Variants in SLC26A4 observed in about 807,000 individuals in gnomAD.
SLC26A4 encodes solute carrier family 26 member 4.
Under a neutral mutation model 90.4 loss-of-function variants are expected in SLC26A4, and 93 were observed. That is an observed-to-expected ratio of 1.03 (90% CI 0.87 to 1.22). The LOEUF (loss-of-function observed/expected upper bound fraction) is 1.22. SLC26A4 is among the 50% of genes most tolerant of loss of function. SLC26A4 has a pLI of 0.00. For synonymous variants in SLC26A4, 393 were observed against 354.6 expected, an observed-to-expected ratio of 1.11 and a Z score of -1.22; for missense variants, 1,127 against 946.2, an observed-to-expected ratio of 1.19 and a Z score of -2.51.
Position 107,661,924 on chromosome 7 carries a change from G to C in SLC26A4, c.164+119G>C. ...CGGGCGGCGGAGCCCCTGGGCGCCAGCTGCTTCTCCCAGAGGCCCGACTTT... is the reference window on the plus strand; with the variant it reads ...CGGGCGGCGGAGCCCCTGGGCGCCACCTGCTTCTCCCAGAGGCCCGACTTT... On this transcript the variant is annotated intron_variant, in intron 2 of 20. Coordinates refer to ENST00000644269, the MANE Select transcript of SLC26A4 (RefSeq NM_000441.2). This position sits in a 1 kb window ranked among gnomAD's most constrained non-coding sequence, Gnocchi z 5.1. The C allele has an allele frequency of 8.5e-7, 1 of 1,170,450 alleles. No individual in the cohort carries two copies. Among genetic ancestry groups the C allele is most frequent in the South Asian group, 1.6e-5 (1 of 63,340 alleles). The allele number at this position is 1,170,450 out of a possible 1,614,324, so 72.5% of individuals were successfully genotyped here.
At position 107,711,766 on chromosome 7, in the gene SLC26A4, G is replaced by T. The variant is rs191980579; in HGVS notation, c.2236-773G>T. Among the ~76,000 whole-genome samples the T allele has an allele frequency of 5.9e-4, 90 of 152,174 alleles. 1 individual carries two copies. The East Asian group carries it at 0.013, about 22-fold the overall frequency. On this transcript the variant is annotated intron_variant, in intron 19 of 20. Transcript: ENST00000644269. ...CTATCCCTTTATTTTACCATCACAGGACTATCTCAGGACACAACTTGTAGT... is the reference window on the plus strand; with the variant it reads ...CTATCCCTTTATTTTACCATCACAGTACTATCTCAGGACACAACTTGTAGT...
At chr7:107,690,611 T>C (rs1202143760) in intron 10 of SLC26A4, among the ~76,000 whole-genome samples, 5 of 152,188 alleles carry the variant, frequency 3.3e-5, no homozygotes, top group African/African-American at 1.2e-4. Flanking sequence ...GGAGCTATTC[T>C]ATTTTCAGGA....
rs80038939 is a variant in SLC26A4 at position 107,665,705 on chromosome 7, C to T, written c.304+2270C>T. 3.4e-3 allele frequency among the ~76,000 whole-genome samples: 514 copies of T among 152,246 alleles called. 6 individuals carry two copies. The highest frequency in any genetic ancestry group is 0.012 in the African/African-American group (482 of 41,528). On this transcript the variant is annotated intron_variant, in intron 3 of 20. Transcript: ENST00000644269. ...TTGTTTATAAGCATGAGACACTATGCTAAGTAAGAATGTTGCCAGCTATCT... is the reference window on the plus strand; with the variant it reads ...TTGTTTATAAGCATGAGACACTATGTTAAGTAAGAATGTTGCCAGCTATCT...
At chr7:107,689,763 A>T (rs1048785347) in intron 9 of SLC26A4, among the ~76,000 whole-genome samples, 2 of 152,246 alleles carry the variant, frequency 1.3e-5, no homozygotes, top group African/African-American at 4.8e-5. Flanking sequence ...CAAGCAGAAT[A>T]ACAGCACTGC....
chr7:107,675,353 G>A (rs1196373521), intron 6 of SLC26A4, among the ~76,000 whole-genome samples: 3 of 148,620 alleles, frequency 2.0e-5, no homozygotes, highest in Non-Finnish European at 3.0e-5. Flanking sequence ...CCAAAAATCC[G>A]AAAATTTGCT....
At chr7:107,678,228 T>A (rs1019180985) in intron 6 of SLC26A4, among the ~76,000 whole-genome samples, 1 of 152,214 alleles carries the variant, frequency 6.6e-6, no homozygotes, top group Non-Finnish European at 1.5e-5. Context: ...ATTCATTCAG[T>A]TTATCTACTC....
Position 107,690,151 on chromosome 7 carries a change from A to C in SLC26A4, c.1177A>C (p.Ile393Leu). The C allele has an allele frequency of 6.2e-7, 1 of 1,612,492 alleles. No homozygotes were observed. The highest frequency in any genetic ancestry group is 8.5e-7 in the Non-Finnish European group (1 of 1,178,550). The change falls in exon 10 of 21, where the codon ATC becomes CTC. Residue 393 changes from isoleucine (I) to leucine (L), a missense_variant. By Grantham distance (5) the Ile-to-Leu change is conservative. Coordinates refer to ENST00000644269, the MANE Select transcript of SLC26A4 (RefSeq NM_000441.2). ...ATTCATTGCCTTTGGGATCAGCAACATCTTCTCAGGATTCTTCTCTTGTTT... is the reference window on the plus strand; with the variant it reads ...ATTCATTGCCTTTGGGATCAGCAACCTCTTCTCAGGATTCTTCTCTTGTTT... ...QEFIAFGISN[I>L]FSGFFSCFVA...
At chr7:107,690,068 G>A (rs754306535) in intron 9 of SLC26A4, 56 bp from the exon 10 acceptor site, 383 of 988,054 alleles carry the variant, frequency 3.9e-4, no homozygotes, top group Middle Eastern at 6.1e-4. Context: ...AATACTCAGC[G>A]AAGGTCTTGC....
intron 10 of SLC26A4, chr7:107,691,841 G>A: frequency 1.7e-6 from 2 of 1,150,450 alleles, no homozygotes; most frequent in Non-Finnish European, 2.2e-6. Flanking sequence ...ATATCCGGAG[G>A]CATAGCCAGA....
intron 8 of SLC26A4, 53 bp downstream of exon 8, chr7:107,683,590 T>A: frequency 7.1e-7 from 1 of 1,405,462 alleles, no homozygotes; most frequent in South Asian, 1.2e-5. Flanking sequence ...AAGTCAGTCT[T>A]TTTTATTTAA....
intron 8 of SLC26A4, among the ~76,000 whole-genome samples, chr7:107,686,263 CCCTTCCTTCCCTCCCTTCCCTCCCTTT>C (rs1181047071): frequency 2.1e-5 from 3 of 141,574 alleles, no homozygotes; most frequent in Non-Finnish European, 3.1e-5. Flanking sequence ...TTTCTTTCTT[CCCTTCCTTCCCTCCCTTCCCTCCCTTT>C]CCTACCTTCC....
At chr7:107,684,723 G>T (rs1791348771) in intron 8 of SLC26A4, among the ~76,000 whole-genome samples, 1 of 152,144 alleles carries the variant, frequency 6.6e-6, no homozygotes, top group South Asian at 2.1e-4. Context: ...TTTCAAAAGT[G>T]CCTCAAGTGA....
chr7:107,667,757 G>A (rs1351083798), intron 3 of SLC26A4, among the ~76,000 whole-genome samples: 1 of 152,082 alleles, frequency 6.6e-6, no homozygotes, highest in African/African-American at 2.4e-5. Flanking sequence ...ACGTGGAGGG[G>A]TTTGAGAATG....
intron 3 of SLC26A4, among the ~76,000 whole-genome samples, chr7:107,669,552 C>T (rs1486560365): frequency 6.6e-6 from 1 of 152,142 alleles, no homozygotes; most frequent in African/African-American, 2.4e-5. Context: ...TTATTCCATG[C>T]TGTTGGGACT....
intron 6 of SLC26A4, among the ~76,000 whole-genome samples, chr7:107,675,724 C>T (rs900700339): frequency 2.0e-5 from 3 of 151,924 alleles, no homozygotes; most frequent in Non-Finnish European, 4.4e-5. Flanking sequence ...CAGGCGCCCG[C>T]CACCACACCC....
intron 19 of SLC26A4, among the ~76,000 whole-genome samples, chr7:107,711,844 A>T (rs574520372): frequency 1.3e-5 from 2 of 152,324 alleles, no homozygotes; most frequent in Non-Finnish European, 2.9e-5. Context: ...ACAGGGACTT[A>T]ACCCTCTAAT....
At chr7:107,711,591 C>T (rs1359450034) in intron 19 of SLC26A4, among the ~76,000 whole-genome samples, 1 of 152,110 alleles carries the variant, frequency 6.6e-6, no homozygotes, top group Non-Finnish European at 1.5e-5. Flanking sequence ...TCCTGGTGGC[C>T]TGTGAGATCA....
intron 17 of SLC26A4, among the ~76,000 whole-genome samples, chr7:107,702,604 G>A (rs937645036): frequency 2.7e-5 from 4 of 150,028 alleles, no homozygotes; most frequent in African/African-American, 9.9e-5. Flanking sequence ...CAGGAGAATC[G>A]CTTGAACCCG....
At chr7:107,708,594 C>A (rs1194055527) in intron 18 of SLC26A4, among the ~76,000 whole-genome samples, 1 of 152,164 alleles carries the variant, frequency 6.6e-6, no homozygotes, top group Non-Finnish European at 1.5e-5. Context: ...CGGCTCACAT[C>A]TGTAATCCCA....
Sources: allele counts gnomAD v4.1 joint callset (sites outside exome capture counted in the v4.1 genomes callset), GRCh38; gene constraint gnomAD v4.1.1; non-coding constraint Gnocchi (gnomAD v3.1); transcripts MANE v1.5; gene names NCBI Gene and HGNC (gene_info 2026-07-23, HGNC 2026-07-21).